The following NKAIN2 variants were observed in gnomAD, a reference collection of about 807,000 sequenced individuals.
NKAIN2 encodes the protein sodium/potassium transporting ATPase interacting 2, also known as sodium/potassium-transporting ATPase subunit beta-1-interacting protein 2.
A neutral mutation model predicts 32.6 loss-of-function variants in NKAIN2; 14 were observed. The ratio of observed to expected loss-of-function variants is 0.43; its 90% CI spans 0.28 to 0.67. The LOEUF (loss-of-function observed/expected upper bound fraction) is 0.67. NKAIN2 is among the 30% of genes least tolerant of loss of function. The pLI is 0.17. For synonymous variants in NKAIN2, 80 were observed against 87.2 expected (o/e 0.92, Z 0.46); for missense variants, 198 against 258.3 (o/e 0.77, Z 1.60).
chr6:124,327,709 A>G (rs1206036955), intron 2 of NKAIN2, among the ~76,000 whole-genome samples: 1 of 152,144 alleles, frequency 6.6e-6, no homozygotes, highest in Non-Finnish European at 1.5e-5. Context: ...ATTTTTTTAA[A>G]TGTCAATAAA....
chr6:123,818,340 A>G (rs1319868025), intron 1 of NKAIN2, among the ~76,000 whole-genome samples: 1 of 142,074 alleles, frequency 7.0e-6, no homozygotes, highest in Non-Finnish European at 1.5e-5. Context: ...ACAAATTTTC[A>G]GACTTCTTGT....
intron 2 of NKAIN2, among the ~76,000 whole-genome samples, chr6:124,297,718 C>T (rs866600717): frequency 2.7e-5 from 4 of 147,312 alleles, no homozygotes; most frequent in Non-Finnish European, 4.4e-5. Flanking sequence ...ATCTTGGCCC[C>T]GCCCCCTGTC....
chr6:124,626,094 T>TCCCCCCCCCCC (rs145583253), intron 3 of NKAIN2, among the ~76,000 whole-genome samples: 2 of 90,588 alleles, frequency 2.2e-5, no homozygotes, highest in Non-Finnish European at 4.1e-5. Context: ...CCCTCCCCAC[T>TCCCCCCCCCCC]CCCCACACCC....
At chr6:123,945,994 G>A (rs913854762) in intron 1 of NKAIN2, among the ~76,000 whole-genome samples, 5 of 152,078 alleles carry the variant, frequency 3.3e-5, no homozygotes, top group African/African-American at 1.2e-4. Flanking sequence ...TTTTCCTTAT[G>A]TCAATATCAA....
chr6:124,317,555 A>G (rs954373666), intron 2 of NKAIN2, among the ~76,000 whole-genome samples: 1 of 152,036 alleles, frequency 6.6e-6, no homozygotes, highest in Admixed American at 6.6e-5. Context: ...CTATATCACA[A>G]TCATTGGCAC....
At chr6:124,306,737 G>T (rs1209584778) in intron 2 of NKAIN2, among the ~76,000 whole-genome samples, 1 of 152,078 alleles carries the variant, frequency 6.6e-6, no homozygotes, top group Non-Finnish European at 1.5e-5. Flanking sequence ...GTGCAGTGTT[G>T]CCCTGCTAAT....
chr6:124,552,903 C>T (rs1266474088), intron 3 of NKAIN2, among the ~76,000 whole-genome samples: 2 of 152,326 alleles, frequency 1.3e-5, no homozygotes, highest in African/African-American at 4.8e-5. Context: ...TATTTAAACA[C>T]TTTTATTTTT....
At chr6:124,194,142 T>C (rs1402446913) in intron 1 of NKAIN2, among the ~76,000 whole-genome samples, 4 of 151,648 alleles carry the variant, frequency 2.6e-5, no homozygotes, top group Non-Finnish European at 4.4e-5. Context: ...AAGTTCCCAC[T>C]CTGGTCAGCA....
intron 4 of NKAIN2, among the ~76,000 whole-genome samples, chr6:124,722,881 AAGC>A (rs1776090032): frequency 6.6e-6 from 1 of 152,218 alleles, no homozygotes; most frequent in Admixed American, 6.5e-5. Context: ...AAAAAATGTG[AAGC>A]AGCAGCTCAT....
At position 124,307,793 on chromosome 6, in the gene NKAIN2, T is replaced by C. The variant is rs540471696; in HGVS notation, c.192+24651T>C. Among the ~76,000 whole-genome samples the C allele has an allele frequency of 5.3e-5, 8 of 152,304 alleles. No homozygotes were observed. The East Asian group carries it at 1.5e-3, about 29-fold the overall frequency. On this transcript the variant is annotated intron_variant, in intron 2 of 6. Coordinates refer to ENST00000368417, the MANE Select transcript of NKAIN2 (RefSeq NM_001040214.3). ...CTAGCAATCTATTCCAAAATAAGCA[T>C]TTCTCAGAAATGTTGCAATAGTGTT...
chr6:124,477,347 T>G (rs890801990), intron 3 of NKAIN2, among the ~76,000 whole-genome samples: 3 of 152,156 alleles, frequency 2.0e-5, no homozygotes, highest in Non-Finnish European at 4.4e-5. Context: ...GTCTGGACAT[T>G]GGGAGGGAGA....
chr6:124,116,290 G>A (rs565491958), intron 1 of NKAIN2, among the ~76,000 whole-genome samples: 1 of 152,112 alleles, frequency 6.6e-6, no homozygotes, highest in Non-Finnish European at 1.5e-5. Context: ...TTTTGGCTGT[G>A]TTGTAAAGTA....
intron 3 of NKAIN2, among the ~76,000 whole-genome samples, chr6:124,553,096 T>C (rs576814579): frequency 1.6e-4 from 24 of 152,356 alleles, no homozygotes; most frequent in African/African-American, 5.0e-4. Flanking sequence ...TGCTCAAAAA[T>C]GTTTAATAGC....
At position 124,076,974 on chromosome 6, in the gene NKAIN2, T is replaced by C. The variant is rs777006126; in HGVS notation, c.55-206031T>C. 2.6e-5 allele frequency among the ~76,000 whole-genome samples: 4 copies of C among 152,312 alleles called. No individual in the cohort carries two copies. The East Asian group carries it at 7.7e-4, about 29-fold the overall frequency. ...AATGAAGTAAATTTAATGAAGTAGA[T>C]GCTGAATAGGCACTTTATAACTATT... On this transcript the variant is annotated intron_variant, in intron 1 of 6. Transcript: ENST00000368417.
intron 4 of NKAIN2, among the ~76,000 whole-genome samples, chr6:124,712,632 C>T (rs942985968): frequency 6.6e-6 from 1 of 150,630 alleles, no homozygotes; most frequent in Non-Finnish European, 1.5e-5. Context: ...ACTCCCTGAC[C>T]CCTTGCGCTT....
chr6:123,868,017 C>T (rs886764965), intron 1 of NKAIN2, among the ~76,000 whole-genome samples: 17 of 152,004 alleles, frequency 1.1e-4, no homozygotes, highest in East Asian at 1.9e-4. Flanking sequence ...TACAGGCGCA[C>T]ACCACCACAC....
At chr6:124,809,205 A>C (rs1265797012) in intron 5 of NKAIN2, among the ~76,000 whole-genome samples, 1 of 151,918 alleles carries the variant, frequency 6.6e-6, no homozygotes, top group Non-Finnish European at 1.5e-5. Context: ...ACAAAGCTGG[A>C]GGCATCACAC....
At chr6:124,310,733 A>G (rs899451807) in intron 2 of NKAIN2, among the ~76,000 whole-genome samples, 5 of 152,190 alleles carry the variant, frequency 3.3e-5, no homozygotes, top group Non-Finnish European at 5.9e-5. Flanking sequence ...AATAATTATG[A>G]TCTTGATTCT....
intron 1 of NKAIN2, among the ~76,000 whole-genome samples, chr6:123,812,789 C>A (rs1381454176): frequency 1.3e-5 from 2 of 152,190 alleles, no homozygotes; most frequent in African/African-American, 4.8e-5. Context: ...CAATGCATTA[C>A]ACTCTAAAAC....
Sources: gnomAD v4.1 joint callset for allele counts (sites outside exome capture counted in the v4.1 genomes callset) on GRCh38, gnomAD v4.1.1 for gene constraint, MANE v1.5 for transcripts, NCBI Gene and HGNC (gene_info 2026-07-23, HGNC 2026-07-21) for gene names.